Variants in PLA2G4E observed in about 807,000 individuals in gnomAD.
PLA2G4E encodes the protein cytosolic phospholipase A2 epsilon.
PLA2G4E carries 84 observed loss-of-function variants against 109.1 expected under a neutral mutation model. That is an observed-to-expected ratio of 0.77 (90% CI 0.65 to 0.92). The LOEUF is 0.92. Among genes scored for constraint, PLA2G4E ranks in the 40% least tolerant of loss-of-function variants. The probability of loss-of-function intolerance (pLI) is 0.00; values close to 1 mark genes in which losing one functional copy is unlikely to be tolerated. For synonymous variants in PLA2G4E, 469 were observed against 436.1 expected, an observed-to-expected ratio of 1.08 and a Z score of -0.94; for missense variants, 1,057 against 1,076.6, an observed-to-expected ratio of 0.98 and a Z score of 0.25.
intron 1 of PLA2G4E, among the ~76,000 whole-genome samples, chr15:42,037,614 T>C (rs935999810): frequency 6.6e-6 from 1 of 152,206 alleles, no homozygotes; most frequent in African/African-American, 2.4e-5. Flanking sequence ...AAAAGATCTA[T>C]AACACAAACA....
chr15:41,989,525 A>C (rs1483378138), exon 15 of PLA2G4E: 1 of 1,613,592 alleles, frequency 6.2e-7, no homozygotes, highest in Non-Finnish European at 8.5e-7. Context: ...CTGCAGGCCC[A>C]CCTCGTAGGG....
chr15:42,042,908 G>T (rs1485223093), intron 1 of PLA2G4E, among the ~76,000 whole-genome samples: 1 of 152,234 alleles, frequency 6.6e-6, no homozygotes, highest in Non-Finnish European at 1.5e-5. Flanking sequence ...CTTCAGGTAT[G>T]AAAAGGGCAG....
chr15:42,005,994 G>C, exon 4 of PLA2G4E: 1 of 1,613,792 alleles, frequency 6.2e-7, no homozygotes, highest in Non-Finnish European at 8.5e-7. Flanking sequence ...ACCCACCTGC[G>C]GGTTGAGTGG....
chr15:41,999,363 T>A (rs1311304283), intron 10 of PLA2G4E, among the ~76,000 whole-genome samples, 161 bp downstream of exon 10: 1 of 152,130 alleles, frequency 6.6e-6, no homozygotes, highest in East Asian at 1.9e-4. Context: ...AAGGATCTAA[T>A]AGAAATGTCT....
chr15:42,001,177 C>CT lies in PLA2G4E; in HGVS notation c.652dup (p.Arg218LysfsTer20). Reference sequence around the variant, plus strand: ...CTCACTTTTCTCCCTCTTCCTCCGCCTCCTGGATTGTGCATGAACCTCCAG... The same window carrying CT: ...CTCACTTTTCTCCCTCTTCCTCCGCCTTCCTGGATTGTGCATGAACCTCCAG... On this transcript the variant is annotated frameshift_variant, in exon 7 of 20. Coordinates refer to ENST00000399518, the Ensembl canonical transcript of PLA2G4E. LOFTEE classifies it high-confidence loss of function. The CT allele has an allele frequency of 6.2e-7, 1 of 1,613,760 alleles. No homozygotes were observed. Among genetic ancestry groups the CT allele is most frequent in the Non-Finnish European group, 8.5e-7 (1 of 1,179,740 alleles).
intron 1 of PLA2G4E, among the ~76,000 whole-genome samples, chr15:42,025,716 C>G (rs2141068359): frequency 6.6e-6 from 1 of 152,262 alleles, no homozygotes; most frequent in East Asian, 1.9e-4. Context: ...GAAGTGATTT[C>G]CTTGAAATGC....
intron 2 of PLA2G4E, among the ~76,000 whole-genome samples, chr15:42,011,577 A>T (rs912553695): frequency 6.6e-6 from 1 of 151,162 alleles, no homozygotes. Flanking sequence ...TTTTTTTTTT[A>T]AAGTTAGCCA....
chr15:42,013,512 T>C (rs981027651), intron 2 of PLA2G4E, among the ~76,000 whole-genome samples, 173 bp downstream of exon 2: 1 of 152,050 alleles, frequency 6.6e-6, no homozygotes, highest in Non-Finnish European at 1.5e-5. Context: ...ACAACTTGAG[T>C]ATAGAACACA....
At chr15:42,002,827 G>C in intron 5 of PLA2G4E, 131 bp from the exon 6 acceptor site, 2 of 902,860 alleles carry the variant, frequency 2.2e-6, no homozygotes, top group East Asian at 2.7e-5. Context: ...AAAAATACTA[G>C]CTTCGGAAAC....
chr15:42,006,197 C>T (rs577791912), intron 3 of PLA2G4E, 76 bp from the exon 4 acceptor site: 1 of 1,573,992 alleles, frequency 6.4e-7, no homozygotes, highest in Non-Finnish European at 8.7e-7. Context: ...GGCTTGACCT[C>T]TGTCCTAGCA....
exon 15 of PLA2G4E, chr15:41,989,537 G>A (rs756757362): frequency 8.1e-6 from 13 of 1,613,704 alleles, no homozygotes; most frequent in Non-Finnish European, 1.0e-5. Flanking sequence ...CTCGTAGGGG[G>A]AGAACTCGAA....
intron 1 of PLA2G4E, among the ~76,000 whole-genome samples, 154 bp from the exon 2 acceptor site, chr15:42,013,911 T>TC (rs2068563221): frequency 1.2e-5 from 1 of 82,082 alleles, no homozygotes; most frequent in African/African-American, 3.9e-5. Flanking sequence ...TTTTTTTTTT[T>TC]ACAGAGTTTC....
At chr15:42,004,279 A>G (rs758595731) in intron 5 of PLA2G4E, among the ~76,000 whole-genome samples, 1 of 150,184 alleles carries the variant, frequency 6.7e-6, no homozygotes, top group Admixed American at 6.6e-5. Context: ...TCTAGCCTGG[A>G]TGACAGAGTG....
At chr15:42,012,662 T>C (rs1566844222) in intron 2 of PLA2G4E, among the ~76,000 whole-genome samples, 1 of 152,196 alleles carries the variant, frequency 6.6e-6, no homozygotes. Flanking sequence ...GCTCTCATTG[T>C]TCTCCTCTGC....
intron 2 of PLA2G4E, among the ~76,000 whole-genome samples, chr15:42,008,353 T>G (rs1373196365): frequency 6.6e-6 from 1 of 152,176 alleles, no homozygotes; most frequent in Non-Finnish European, 1.5e-5. Context: ...AGGGCCCCAG[T>G]GGGCAAGGAC....
chr15:42,032,160 A>C (rs1889124225), intron 1 of PLA2G4E, among the ~76,000 whole-genome samples: 2 of 152,236 alleles, frequency 1.3e-5, no homozygotes, highest in Admixed American at 6.5e-5. Context: ...GAAGCCAAGC[A>C]GATGCTGGTG....
chr15:41,985,627 A>G (rs1354416358), intron 18 of PLA2G4E, among the ~76,000 whole-genome samples: 1 of 152,284 alleles, frequency 6.6e-6, no homozygotes, highest in Non-Finnish European at 1.5e-5. Context: ...TGCTAAGTCA[A>G]CATGGGCACC....
Position 42,001,089 on chromosome 15 carries a change from G to C in PLA2G4E, c.673+68C>G, listed in dbSNP as rs374017731. On this transcript the variant is annotated intron_variant, in intron 7 of 19. Coordinates refer to ENST00000399518, the Ensembl canonical transcript of PLA2G4E. ...GGAAGCCCTGGACTAGGTGGAGTCTGATGCTGATGGGATTTGGAAGCAGCT... is the reference window on the plus strand; with the variant it reads ...GGAAGCCCTGGACTAGGTGGAGTCTCATGCTGATGGGATTTGGAAGCAGCT... 78 of 1,491,276 alleles carry C rather than the reference G, an allele frequency of 5.2e-5. No homozygotes were observed. In the African/African-American group the frequency reaches 8.7e-4, roughly 17 times the overall value. The allele number at this position is 1,491,276 out of a possible 1,614,324, so 92.4% of individuals were successfully genotyped here.
intron 1 of PLA2G4E, among the ~76,000 whole-genome samples, chr15:42,015,610 G>A (rs1484050697): frequency 2.0e-5 from 3 of 152,250 alleles, no homozygotes; most frequent in Admixed American, 2.0e-4. Context: ...AGATGCTGGG[G>A]GGCCAGGGGT....
Sources: allele counts gnomAD v4.1 joint callset (sites outside exome capture counted in the v4.1 genomes callset), GRCh38; gene constraint gnomAD v4.1.1; transcripts MANE v1.5; gene names NCBI Gene and HGNC (gene_info 2026-07-23, HGNC 2026-07-21).